Variants in SSU72 observed in about 807,000 individuals in gnomAD.
SSU72 encodes RNA polymerase II subunit A C-terminal domain phosphatase SSU72.
Under a neutral mutation model 22.7 loss-of-function variants are expected in SSU72, and 12 were observed. That is an observed-to-expected ratio of 0.53 (90% CI 0.34 to 0.86). The LOEUF is 0.86. Among genes scored for constraint, SSU72 ranks in the 40% least tolerant of loss-of-function variants. SSU72 has a pLI of 0.02. For missense variants in SSU72, 151 were observed against 249.8 expected (o/e 0.60, Z 2.67); for synonymous variants, 116 against 98.3 (o/e 1.18, Z -1.06).
chr1:1,556,999 T>A (rs1642529115), intron 2 of SSU72, among the ~76,000 whole-genome samples: 1 of 152,216 alleles, frequency 6.6e-6, no homozygotes, highest in Non-Finnish European at 1.5e-5. Flanking sequence ...AAGGCCGTAA[T>A]TTACATTTTA....
At chr1:1,568,954 C>T (rs1642695630) in intron 1 of SSU72, among the ~76,000 whole-genome samples, 1 of 151,638 alleles carries the variant, frequency 6.6e-6, no homozygotes, top group Admixed American at 6.6e-5. Context: ...GGCAGATCAC[C>T]TGAGGTCAGG....
intron 2 of SSU72, among the ~76,000 whole-genome samples, chr1:1,549,697 G>A (rs2100708030): frequency 6.6e-6 from 1 of 151,292 alleles, no homozygotes; most frequent in South Asian, 2.1e-4. Flanking sequence ...AATTATGGCT[G>A]GGCGCAGTGG....
At chr1:1,564,715 T>A (rs1257821243) in intron 2 of SSU72, 58 bp downstream of exon 2, 4 of 1,614,202 alleles carry the variant, frequency 2.5e-6, no homozygotes, top group South Asian at 1.1e-5. Context: ...GAGCCACACG[T>A]AACACCTTCC....
intron 1 of SSU72, among the ~76,000 whole-genome samples, chr1:1,573,035 T>A (rs956167701): frequency 6.6e-5 from 10 of 151,948 alleles, no homozygotes; most frequent in Admixed American, 6.6e-4. Flanking sequence ...ACGCCTGTAA[T>A]CCCAGCACTT....
chr1:1,567,158 A>C (rs965965647), intron 1 of SSU72, among the ~76,000 whole-genome samples: 3 of 152,250 alleles, frequency 2.0e-5, no homozygotes, highest in Non-Finnish European at 4.4e-5. Context: ...ATGCGGCTCC[A>C]CGCGCACCTC....
intron 2 of SSU72, among the ~76,000 whole-genome samples, chr1:1,557,887 A>G (rs1468983347): frequency 6.6e-6 from 1 of 152,174 alleles, no homozygotes; most frequent in Non-Finnish European, 1.5e-5. Context: ...AAGACAATGA[A>G]TTCAGAGGAC....
intron 2 of SSU72, 45 bp from the exon 3 acceptor site, chr1:1,545,047 A>G (rs1231948669): frequency 1.9e-6 from 3 of 1,595,524 alleles, no homozygotes; most frequent in East Asian, 4.5e-5. Flanking sequence ...GCATCTGTGT[A>G]TGAAGCCTGG....
At chr1:1,562,045 AC>A (rs1170134774) in intron 2 of SSU72, 1 of 152,262 alleles carries the variant, frequency 6.6e-6, no homozygotes, top group Non-Finnish European at 1.5e-5. Flanking sequence ...ATTCTGGGAC[AC>A]TGGGCTCAGC....
At chr1:1,555,470 C>T (rs925460825) in intron 2 of SSU72, among the ~76,000 whole-genome samples, 3 of 152,052 alleles carry the variant, frequency 2.0e-5, no homozygotes, top group African/African-American at 7.2e-5. Context: ...GGCCAGGTGG[C>T]GGCTGTGGCA....
At chr1:1,552,791 C>T (rs543413778) in intron 2 of SSU72, among the ~76,000 whole-genome samples, 4 of 152,240 alleles carry the variant, frequency 2.6e-5, no homozygotes, top group African/African-American at 7.2e-5. Context: ...AAGGCCGAGG[C>T]GGGTGGATCA....
chr1:1,570,974 C>T (rs1260884231), intron 1 of SSU72, among the ~76,000 whole-genome samples: 5 of 143,454 alleles, frequency 3.5e-5, no homozygotes, highest in African/African-American at 5.2e-5. Flanking sequence ...TGGCCGGGCG[C>T]GGTGGCTCAC....
intron 1 of SSU72, among the ~76,000 whole-genome samples, chr1:1,567,283 C>A (rs1642673646): frequency 6.6e-6 from 1 of 152,286 alleles, no homozygotes; most frequent in African/African-American, 2.4e-5. Context: ...ACACCTGAGT[C>A]CCCTGAGGCT....
chr1:1,569,995 G>A (rs975291167), intron 1 of SSU72, among the ~76,000 whole-genome samples: 7 of 151,960 alleles, frequency 4.6e-5, no homozygotes, highest in African/African-American at 1.7e-4. Flanking sequence ...CATTTTTAAC[G>A]CCTAAAAGAC....
At chr1:1,562,024 G>A (rs967535913) in intron 2 of SSU72, 1 of 152,308 alleles carries the variant, frequency 6.6e-6, no homozygotes, top group Non-Finnish European at 1.5e-5. Flanking sequence ...CTGTAAAGGA[G>A]GAGCTTCCGA....
At chr1:1,564,351 A>T in intron 2 of SSU72, 1 of 938,012 alleles carries the variant, frequency 1.1e-6, no homozygotes, top group Non-Finnish European at 1.5e-6. Context: ...CGACCTCACC[A>T]GATGTGTGAA....
intron 2 of SSU72, among the ~76,000 whole-genome samples, chr1:1,547,122 G>A (rs939950395): frequency 6.6e-6 from 1 of 152,182 alleles, no homozygotes; most frequent in Non-Finnish European, 1.5e-5. Context: ...GGCTCACGGA[G>A]AGGAACCGGG....
intron 3 of SSU72, chr1:1,544,621 A>G: frequency 3.5e-6 from 2 of 570,342 alleles, no homozygotes; most frequent in South Asian, 4.0e-5. Flanking sequence ...TGTCTCAAAA[A>G]ACAAAACAAA....
At chr1:1,558,900 C>T (rs1336746779) in intron 2 of SSU72, among the ~76,000 whole-genome samples, 4 of 152,234 alleles carry the variant, frequency 2.6e-5, no homozygotes, top group Non-Finnish European at 2.9e-5. Flanking sequence ...AGTCACTTGT[C>T]TTCTCCCCAA....
chr1:1,545,217 G>T, intron 2 of SSU72: 2 of 565,802 alleles, frequency 3.5e-6, no homozygotes, highest in Non-Finnish European at 6.2e-6. Context: ...GCAGGTGCTT[G>T]CTCCTCGCTG....
Sources: allele counts gnomAD v4.1 joint callset (sites outside exome capture counted in the v4.1 genomes callset), GRCh38; gene constraint gnomAD v4.1.1; transcripts MANE v1.5; gene names NCBI Gene and HGNC (gene_info 2026-07-23, HGNC 2026-07-21).